The following AKAP19 variants were observed in gnomAD, a reference collection of about 807,000 sequenced individuals.
AKAP19 encodes the protein small A-kinase anchoring protein.
At chr2:190,163,160 C>A in the AKAP19 span, among the ~76,000 whole-genome samples, 21 of 152,052 alleles carry the variant, frequency 1.4e-4, no homozygotes, top group Admixed American at 2.0e-4. Context: ...CTTGGCCGGG[C>A]GCGGTGGCTC....
the AKAP19 span, among the ~76,000 whole-genome samples, chr2:190,086,896 C>T: frequency 6.6e-6 from 1 of 152,140 alleles, no homozygotes; most frequent in Non-Finnish European, 1.5e-5. Context: ...TGGTTCAGTG[C>T]CTTGAAGACC....
At chr2:189,976,964 G>T in the AKAP19 span, among the ~76,000 whole-genome samples, 1 of 152,044 alleles carries the variant, frequency 6.6e-6, no homozygotes, top group South Asian at 2.1e-4. Flanking sequence ...GCTCACACTC[G>T]GTGGGCTGCA....
chr2:190,020,057 G>T, the AKAP19 span, among the ~76,000 whole-genome samples: 1 of 152,178 alleles, frequency 6.6e-6, no homozygotes, highest in African/African-American at 2.4e-5. Flanking sequence ...CTTTGGTTTT[G>T]CTTAGTAGTT....
chr2:190,042,413 A>T, the AKAP19 span, among the ~76,000 whole-genome samples: 1 of 151,204 alleles, frequency 6.6e-6, no homozygotes, highest in African/African-American at 2.4e-5. Flanking sequence ...TCTCTTCTTT[A>T]TTAGTCTAGC....
the AKAP19 span, among the ~76,000 whole-genome samples, chr2:189,904,858 T>G: frequency 1.3e-5 from 2 of 152,030 alleles, no homozygotes; most frequent in African/African-American, 4.8e-5. Context: ...GTTTCTCACT[T>G]AAGAAATGAA....
At chr2:189,916,834 C>T in the AKAP19 span, among the ~76,000 whole-genome samples, 2 of 151,992 alleles carry the variant, frequency 1.3e-5, no homozygotes, top group African/African-American at 2.4e-5. Context: ...TATGGATGTA[C>T]CACAGTTTGT....
the AKAP19 span, among the ~76,000 whole-genome samples, chr2:189,940,278 C>CAAA: frequency 9.1e-6 from 1 of 109,478 alleles, no homozygotes; most frequent in African/African-American, 3.4e-5. Context: ...GACTTCATCT[C>CAAA]AAAAAAAAAA....
chr2:189,928,352 C>CT, the AKAP19 span, among the ~76,000 whole-genome samples: 1 of 152,034 alleles, frequency 6.6e-6, no homozygotes, highest in East Asian at 1.9e-4. Flanking sequence ...GTTGGAGAAG[C>CT]TTTTTTTATT....
chr2:190,060,461 T>C, the AKAP19 span: 1 of 1,595,054 alleles, frequency 6.3e-7, no homozygotes, highest in Non-Finnish European at 8.5e-7. Flanking sequence ...AAAAGAAAAG[T>C]TGCTGAAATT....
chr2:189,965,799 G>T, the AKAP19 span, among the ~76,000 whole-genome samples: 14 of 152,108 alleles, frequency 9.2e-5, no homozygotes, highest in African/African-American at 3.4e-4. Context: ...CCACTACTAG[G>T]TATCTACCCA....
chr2:189,924,033 A>T, the AKAP19 span: 139 of 1,558,626 alleles, frequency 8.9e-5, no homozygotes, highest in Non-Finnish European at 1.2e-4. Context: ...AAGAAAGATG[A>T]GACTAATGTG....
At chr2:190,096,051 C>T in the AKAP19 span, among the ~76,000 whole-genome samples, 1 of 152,050 alleles carries the variant, frequency 6.6e-6, no homozygotes, top group African/African-American at 2.4e-5. Flanking sequence ...CTTCATGGAG[C>T]TAAACACCCA....
At chr2:190,060,304 CTG>C in the AKAP19 span, 1 of 1,613,088 alleles carries the variant, frequency 6.2e-7, no homozygotes, top group Non-Finnish European at 8.5e-7. Context: ...TGCACAAACA[CTG>C]TTGTAGGAGT....
the AKAP19 span, among the ~76,000 whole-genome samples, chr2:190,142,925 T>G: frequency 2.5e-4 from 38 of 152,318 alleles, no homozygotes; most frequent in East Asian, 6.8e-3. Flanking sequence ...TTTATGGGTT[T>G]CCTTAACCAA....
At chr2:190,196,190 C>G in the AKAP19 span, among the ~76,000 whole-genome samples, 1 of 152,008 alleles carries the variant, frequency 6.6e-6, no homozygotes, top group Non-Finnish European at 1.5e-5. Context: ...TTAAACGTAT[C>G]TAATTCCTTT....
the AKAP19 span, among the ~76,000 whole-genome samples, chr2:190,024,164 C>G: frequency 1.3e-5 from 2 of 151,900 alleles, no homozygotes; most frequent in African/African-American, 4.8e-5. Flanking sequence ...ATGCTGGAGT[C>G]ATTGTCGCTG....
chr2:190,129,292 A>G, the AKAP19 span, among the ~76,000 whole-genome samples: 4 of 152,238 alleles, frequency 2.6e-5, no homozygotes, highest in Non-Finnish European at 5.9e-5. Context: ...GAAGATTTCA[A>G]TTAAAAAATT....
chr2:189,890,160 C>T, the AKAP19 span, among the ~76,000 whole-genome samples: 1 of 152,156 alleles, frequency 6.6e-6, no homozygotes, highest in East Asian at 1.9e-4. Context: ...TTATTTATTT[C>T]TGCCTTAATT....
chr2:189,919,275 G>T, the AKAP19 span, among the ~76,000 whole-genome samples: 1 of 152,280 alleles, frequency 6.6e-6, no homozygotes, highest in African/African-American at 2.4e-5. Flanking sequence ...CTTAATGGGT[G>T]TAGGGTTTCC....
Sources: gnomAD v4.1 joint callset for allele counts (sites outside exome capture counted in the v4.1 genomes callset) on GRCh38, gnomAD v4.1.1 for gene constraint, MANE v1.5 for transcripts, NCBI Gene and HGNC (gene_info 2026-07-23, HGNC 2026-07-21) for gene names.